Variants in KCNH7 observed in about 807,000 individuals in gnomAD.
KCNH7 encodes potassium voltage-gated channel subfamily H member 7.
In KCNH7, 49 loss-of-function variants were observed where a neutral mutation model predicts 120.8. That is an observed-to-expected ratio of 0.41 (90% CI 0.32 to 0.51). The LOEUF (loss-of-function observed/expected upper bound fraction) is 0.51, where lower values mean the gene tolerates loss of function less well. KCNH7 is among the 20% of genes least tolerant of loss of function. The pLI is 0.38. For missense variants in KCNH7, 1,097 were observed against 1,446.6 expected, an observed-to-expected ratio of 0.76 and a Z score of 3.92; for synonymous variants, 547 against 516.1, an observed-to-expected ratio of 1.06 and a Z score of -0.81.
At position 162,798,864 on chromosome 2, in the gene KCNH7, C is replaced by G. The variant is rs1684240497; in HGVS notation, c.307+37673G>C. Reference sequence around the variant, plus strand: ...ACTATGAATGAAAAGCGACCCCCACCTATAAAGAGTTCCCAATTCAATAAG... The same window carrying G: ...ACTATGAATGAAAAGCGACCCCCACGTATAAAGAGTTCCCAATTCAATAAG... On this transcript the variant is annotated intron_variant, in intron 2 of 15. Coordinates refer to ENST00000332142, the MANE Select transcript of KCNH7 (RefSeq NM_033272.4). 2.0e-5 allele frequency among the ~76,000 whole-genome samples: 3 copies of G among 151,966 alleles called. No homozygotes were observed. In the South Asian group the frequency reaches 6.2e-4, roughly 31 times the overall value.
intron 2 of KCNH7, among the ~76,000 whole-genome samples, chr2:162,655,929 T>G (rs535730698): frequency 6.6e-6 from 1 of 152,318 alleles, no homozygotes; most frequent in East Asian, 1.9e-4. Context: ...ACATCTCTAG[T>G]ATACATCTCT....
chr2:162,741,302 A>G (rs555968531), intron 2 of KCNH7, among the ~76,000 whole-genome samples: 1 of 149,752 alleles, frequency 6.7e-6, no homozygotes, highest in African/African-American at 2.4e-5. Context: ...TTAATAACAT[A>G]TGTTATTAAT....
chr2:162,678,344 A>G (rs1232309117), intron 2 of KCNH7, among the ~76,000 whole-genome samples: 2 of 148,206 alleles, frequency 1.3e-5, no homozygotes, highest in Non-Finnish European at 3.0e-5. Context: ...AGTTTGAAGC[A>G]TTGATAACAT....
At chr2:162,479,148 GA>G (rs1309875796) in intron 6 of KCNH7, among the ~76,000 whole-genome samples, 127 of 118,774 alleles carry the variant, frequency 1.1e-3, no homozygotes, top group Non-Finnish European at 1.3e-3. Flanking sequence ...AATGAGAATG[GA>G]AAAAAAAAAA....
At chr2:162,601,228 G>C (rs1447628600) in intron 2 of KCNH7, among the ~76,000 whole-genome samples, 1 of 151,852 alleles carries the variant, frequency 6.6e-6, no homozygotes, top group Non-Finnish European at 1.5e-5. Context: ...GTGGTTTATA[G>C]ATAACAGGGG....
intron 6 of KCNH7, among the ~76,000 whole-genome samples, chr2:162,464,294 T>G (rs1223755894): frequency 1.3e-5 from 2 of 151,992 alleles, no homozygotes; most frequent in Non-Finnish European, 2.9e-5. Flanking sequence ...CTGAATTCCA[T>G]TTTGGCTGAT....
chr2:162,606,804 G>T (rs1191535691), intron 2 of KCNH7, among the ~76,000 whole-genome samples: 1 of 152,046 alleles, frequency 6.6e-6, no homozygotes, highest in Non-Finnish European at 1.5e-5. Flanking sequence ...AATAGTTCTA[G>T]AAATCTATGT....
intron 2 of KCNH7, among the ~76,000 whole-genome samples, chr2:162,646,659 T>G (rs1239353000): frequency 6.6e-6 from 1 of 152,192 alleles, no homozygotes; most frequent in African/African-American, 2.4e-5. Context: ...TGATGAGCTG[T>G]TTCCAGTTTG....
At chr2:162,457,996 C>A (rs1410499275) in intron 6 of KCNH7, among the ~76,000 whole-genome samples, 4 of 152,046 alleles carry the variant, frequency 2.6e-5, no homozygotes, top group Non-Finnish European at 4.4e-5. Flanking sequence ...CATAGGAAGT[C>A]ATTTTTTAAT....
intron 2 of KCNH7, among the ~76,000 whole-genome samples, chr2:162,567,410 G>GCGGATGTTAC (rs1225122653): frequency 6.6e-6 from 1 of 151,976 alleles, no homozygotes; most frequent in Non-Finnish European, 1.5e-5. Flanking sequence ...AGTGAGAATA[G>GCGGATGTTAC]CGGATGTTAC....
At chr2:162,779,666 T>G (rs952722410) in intron 2 of KCNH7, among the ~76,000 whole-genome samples, 1 of 152,200 alleles carries the variant, frequency 6.6e-6, no homozygotes, top group Non-Finnish European at 1.5e-5. Flanking sequence ...TTTATCCCCC[T>G]TTTGGTACCC....
intron 3 of KCNH7, among the ~76,000 whole-genome samples, chr2:162,526,583 C>T (rs1295756614): frequency 1.3e-5 from 2 of 151,966 alleles, no homozygotes; most frequent in Non-Finnish European, 2.9e-5. Flanking sequence ...TGATATTTCT[C>T]CCATTTGCTT....
chr2:162,762,297 A>G (rs936306811), intron 2 of KCNH7, among the ~76,000 whole-genome samples: 6 of 151,556 alleles, frequency 4.0e-5, no homozygotes, highest in South Asian at 2.1e-4. Context: ...GTGTGTGTGT[A>G]TATATATATA....
intron 2 of KCNH7, among the ~76,000 whole-genome samples, chr2:162,747,561 C>T (rs575924364): frequency 2.4e-4 from 36 of 152,162 alleles, no homozygotes; most frequent in Non-Finnish European, 4.3e-4. Context: ...GGAGTGACAG[C>T]GAATGTGTAG....
chr2:162,726,378 C>T lies in KCNH7; in HGVS notation c.307+110159G>A, dbSNP rs1186395832. Among the ~76,000 whole-genome samples the T allele has an allele frequency of 2.0e-5, 3 of 152,000 alleles. No homozygotes were observed. The East Asian group carries it at 5.8e-4, about 29-fold the overall frequency. On this transcript the variant is annotated intron_variant, in intron 2 of 15. Coordinates refer to ENST00000332142, the MANE Select transcript of KCNH7 (RefSeq NM_033272.4). ...ATTTTTACAAGTATTATTATAAACT[C>T]ATATACATATTTCAAGGGTTTTAAT...
intron 9 of KCNH7, among the ~76,000 whole-genome samples, chr2:162,415,230 C>A (rs1687505180): frequency 6.6e-6 from 1 of 151,860 alleles, no homozygotes; most frequent in South Asian, 2.1e-4. Context: ...TGGAGCATTT[C>A]CCAGTGTTTC....
intron 2 of KCNH7, among the ~76,000 whole-genome samples, chr2:162,539,157 T>C (rs530029368): frequency 6.6e-6 from 1 of 152,168 alleles, no homozygotes; most frequent in South Asian, 2.1e-4. Context: ...AAATAAGCAA[T>C]TTAAGACTGT....
intron 2 of KCNH7, among the ~76,000 whole-genome samples, chr2:162,582,790 C>T (rs1693921602): frequency 6.6e-6 from 1 of 152,072 alleles, no homozygotes; most frequent in African/African-American, 2.4e-5. Flanking sequence ...GTGTGATCTT[C>T]CACAACCTAG....
At chr2:162,645,224 T>C (rs958645061) in intron 2 of KCNH7, among the ~76,000 whole-genome samples, 2 of 152,272 alleles carry the variant, frequency 1.3e-5, no homozygotes, top group Admixed American at 1.3e-4. Context: ...CTTGGCTCAC[T>C]GCAACCTCCG....
Sources: allele counts gnomAD v4.1 joint callset (sites outside exome capture counted in the v4.1 genomes callset), GRCh38; gene constraint gnomAD v4.1.1; transcripts MANE v1.5; gene names NCBI Gene and HGNC (gene_info 2026-07-23, HGNC 2026-07-21).